Variants in LRCH1 observed in about 807,000 individuals in gnomAD.
The protein encoded by LRCH1 is leucine rich repeats and calponin homology domain containing 1.
Under a neutral mutation model 94.9 loss-of-function variants are expected in LRCH1, and 23 were observed. The observed-to-expected ratio is 0.24, with a 90% CI of 0.17 to 0.34. LRCH1 has a LOEUF of 0.34. Ranked by LOEUF, LRCH1 falls within the 10% of genes least tolerant of loss-of-function variation. LRCH1 has a pLI of 1.00. For missense variants in LRCH1, 790 were observed against 945.9 expected (o/e 0.84, Z 2.16); for synonymous variants, 364 against 354.9 (o/e 1.03, Z -0.29).
At chr13:46,565,472 A>C (rs548984614) in intron 1 of LRCH1, among the ~76,000 whole-genome samples, 1 of 152,044 alleles carries the variant, frequency 6.6e-6, no homozygotes, top group Non-Finnish European at 1.5e-5. Flanking sequence ...CTGGGTTTTC[A>C]TGCTGTTTTT....
At chr13:46,600,439 A>G (rs1394822401) in intron 1 of LRCH1, among the ~76,000 whole-genome samples, 1 of 152,066 alleles carries the variant, frequency 6.6e-6, no homozygotes, top group African/African-American at 2.4e-5. Flanking sequence ...GGAAGTATTT[A>G]TTTTTATTCA....
intron 11 of LRCH1, among the ~76,000 whole-genome samples, chr13:46,704,343 G>T (rs752496140): frequency 2.0e-5 from 3 of 151,936 alleles, no homozygotes; most frequent in African/African-American, 4.8e-5. Flanking sequence ...GCCATTGATT[G>T]TGGGATTAAA....
intron 3 of LRCH1, among the ~76,000 whole-genome samples, chr13:46,678,612 T>C (rs1177226242): frequency 6.6e-6 from 1 of 152,202 alleles, no homozygotes; most frequent in Admixed American, 6.5e-5. Context: ...AGATATCCTG[T>C]CCTCTAAATC....
At chr13:46,647,970 G>A (rs865925060) in intron 1 of LRCH1, among the ~76,000 whole-genome samples, 89 of 151,944 alleles carry the variant, frequency 5.9e-4, no homozygotes, top group African/African-American at 2.0e-3. Flanking sequence ...ACCGGGGTGG[G>A]GGATGGTTTC....
At chr13:46,634,878 A>T (rs1381666947) in intron 1 of LRCH1, among the ~76,000 whole-genome samples, 1 of 152,210 alleles carries the variant, frequency 6.6e-6, no homozygotes, top group Non-Finnish European at 1.5e-5. Flanking sequence ...GGTACCACGT[A>T]GTCAGTGTGA....
At chr13:46,659,334 A>T (rs1334438211) in intron 2 of LRCH1, among the ~76,000 whole-genome samples, 1 of 152,086 alleles carries the variant, frequency 6.6e-6, no homozygotes, top group Non-Finnish European at 1.5e-5. Flanking sequence ...CTGGGATTAC[A>T]GGCTCCCGCC....
At chr13:46,750,124 A>G (rs1238401070) in intron 18 of LRCH1, among the ~76,000 whole-genome samples, 3 of 152,226 alleles carry the variant, frequency 2.0e-5, no homozygotes, top group Admixed American at 2.0e-4. Context: ...TGGTCAGTAT[A>G]ACAATGTGTG....
chr13:46,582,370 CTT>C (rs10686269), intron 1 of LRCH1, among the ~76,000 whole-genome samples: 1 of 79,590 alleles, frequency 1.3e-5, no homozygotes. Context: ...TTGCTCTCAT[CTT>C]TTTTTTTTTT....
intron 1 of LRCH1, among the ~76,000 whole-genome samples, chr13:46,619,095 C>CCTTCCTTCCTTCCTTCCTTT (rs2050848332): frequency 1.6e-5 from 1 of 60,686 alleles, no homozygotes; most frequent in Non-Finnish European, 2.9e-5. Flanking sequence ...TTCCTTCCTT[C>CCTTCCTTCCTTCCTTCCTTT]CTTCCTTCCT....
At chr13:46,658,611 C>G (rs1286481843) in intron 2 of LRCH1, among the ~76,000 whole-genome samples, 1 of 152,138 alleles carries the variant, frequency 6.6e-6, no homozygotes, top group East Asian at 1.9e-4. Context: ...TCCGCAGGAG[C>G]TGGGACTACA....
intron 10 of LRCH1, among the ~76,000 whole-genome samples, chr13:46,699,895 T>A (rs1871377364): frequency 6.6e-6 from 1 of 152,218 alleles, no homozygotes; most frequent in African/African-American, 2.4e-5. Context: ...CATAACTCAT[T>A]TCATCTTTAC....
intron 1 of LRCH1, among the ~76,000 whole-genome samples, chr13:46,570,520 G>T (rs1044093043): frequency 3.3e-5 from 5 of 152,192 alleles, no homozygotes; most frequent in African/African-American, 1.2e-4. Context: ...TCTGCCCCTA[G>T]AGATGCTCCA....
chr13:46,674,342 C>T (rs1013184263), intron 3 of LRCH1, among the ~76,000 whole-genome samples: 20 of 152,066 alleles, frequency 1.3e-4, no homozygotes, highest in African/African-American at 4.3e-4. Flanking sequence ...CAGGGAATGT[C>T]GAAAAGCAGT....
chr13:46,696,079 CCATTGA>C (rs1238654891), intron 9 of LRCH1, among the ~76,000 whole-genome samples: 2 of 152,186 alleles, frequency 1.3e-5, no homozygotes, highest in Non-Finnish European at 2.9e-5. Context: ...TCCCCTGTCT[CCATTGA>C]CATTGCTTCA....
chr13:46,649,178 A>C (rs2051260478), intron 1 of LRCH1, among the ~76,000 whole-genome samples: 1 of 152,110 alleles, frequency 6.6e-6, no homozygotes, highest in Non-Finnish European at 1.5e-5. Flanking sequence ...ATATTGACAT[A>C]TTTACATTTT....
intron 2 of LRCH1, among the ~76,000 whole-genome samples, chr13:46,659,081 T>C (rs1251693147): frequency 6.6e-6 from 1 of 152,228 alleles, no homozygotes; most frequent in Non-Finnish European, 1.5e-5. Flanking sequence ...CCTGGAAAGG[T>C]ACATTAGACA....
intron 1 of LRCH1, among the ~76,000 whole-genome samples, chr13:46,585,886 T>C (rs1457481926): frequency 6.6e-6 from 1 of 152,154 alleles, no homozygotes; most frequent in African/African-American, 2.4e-5. Flanking sequence ...ATTTTTTCTT[T>C]CCGTTTAAAA....
intron 3 of LRCH1, among the ~76,000 whole-genome samples, chr13:46,675,655 C>A (rs1403770773): frequency 1.3e-5 from 2 of 152,112 alleles, no homozygotes; most frequent in Non-Finnish European, 2.9e-5. Flanking sequence ...GCTTGGGTAG[C>A]GTTCCAATCT....
At chr13:46,705,491 A>G (rs1029667106) in intron 13 of LRCH1, 187 bp downstream of exon 13, 2 of 711,636 alleles carry the variant, frequency 2.8e-6, no homozygotes, top group South Asian at 1.5e-5. Context: ...CTTTTCTGCT[A>G]TACCTCACCC....
Sources: allele counts gnomAD v4.1 joint callset (sites outside exome capture counted in the v4.1 genomes callset), GRCh38; gene constraint gnomAD v4.1.1; transcripts MANE v1.5; gene names NCBI Gene and HGNC (gene_info 2026-07-23, HGNC 2026-07-21).